The following CACNA2D4 variants were observed in gnomAD, a reference collection of about 807,000 sequenced individuals.
CACNA2D4 encodes the protein voltage-dependent calcium channel subunit alpha-2/delta-4.
In CACNA2D4, 157 loss-of-function variants were observed where a neutral mutation model predicts 163.8. The observed-to-expected ratio is 0.96, with a 90% CI of 0.84 to 1.09. CACNA2D4 has a LOEUF of 1.09. Ranked by LOEUF, CACNA2D4 falls within the 50% of genes least tolerant of loss-of-function variation. The probability of loss-of-function intolerance (pLI) is 0.00; values close to 1 mark genes in which losing one functional copy is unlikely to be tolerated. For missense variants in CACNA2D4, 1,410 were observed against 1,479.9 expected, an observed-to-expected ratio of 0.95 and a Z score of 0.78; for synonymous variants, 598 against 586.9, an observed-to-expected ratio of 1.02 and a Z score of -0.27.
intron 26 of CACNA2D4, among the ~76,000 whole-genome samples, chr12:1,817,674 C>T (rs1364021090): frequency 6.6e-6 from 1 of 152,204 alleles, no homozygotes; most frequent in Non-Finnish European, 1.5e-5. Context: ...TTGGTGGAGA[C>T]GGGGTTTCGC....
intron 6 of CACNA2D4, among the ~76,000 whole-genome samples, chr12:1,902,406 C>T (rs11513703): frequency 0.15 from 22,919 of 151,700 alleles, 1,996 homozygotes; most frequent in African/African-American, 0.24. Context: ...ACTCCAAATT[C>T]GAAAGGAATA....
chr12:1,796,693 C>A (rs899510370), intron 35 of CACNA2D4, among the ~76,000 whole-genome samples: 1 of 152,226 alleles, frequency 6.6e-6, no homozygotes, highest in Non-Finnish European at 1.5e-5. Flanking sequence ...GCCGCAGGTG[C>A]CGCACTGTTA....
At chr12:1,891,414 A>T (rs1370390669) in intron 6 of CACNA2D4, among the ~76,000 whole-genome samples, 1 of 152,234 alleles carries the variant, frequency 6.6e-6, no homozygotes, top group Non-Finnish European at 1.5e-5. Flanking sequence ...AACACCATAG[A>T]TATAGCTTTA....
rs1265172784 is a variant in CACNA2D4 at position 1,809,450 on chromosome 12, G to A, written c.2721+828C>T. 5.7e-5 allele frequency: 39 copies of A among 681,192 alleles called. 1 individual carries two copies. Among genetic ancestry groups the A allele is most frequent in the Non-Finnish European group, 9.5e-5 (36 of 377,614 alleles). The allele number at this position is 681,192 out of a possible 1,614,324, so 42.2% of individuals were successfully genotyped here. On this transcript the variant is annotated intron_variant, in intron 29 of 37. Transcript: ENST00000382722. ...AACCAAATACTATGCCCCTTTCCCC[G>A]AGGCTCAGGCAGGAGGCGGTTCTGA...
chr12:1,856,083 G>A lies in CACNA2D4; in HGVS notation c.2081C>T (p.Pro694Leu). 6.2e-7 allele frequency: 1 copy of A among 1,613,966 alleles called. No individual in the cohort carries two copies. Among genetic ancestry groups the A allele is most frequent in the Non-Finnish European group, 8.5e-7 (1 of 1,179,870 alleles). Residue 694 changes from proline (P) to leucine (L), a missense_variant, in exon 22 of 38, where the codon CCA (proline) becomes CTA (leucine). Physicochemically the swap from Pro to Leu is moderately conservative, Grantham distance 98. Coordinates refer to ENST00000382722, the MANE Select transcript of CACNA2D4 (RefSeq NM_172364.5). ...DWIYCITDID[P>L]DHRKLSQLEA... ...TAGCTGGCTGAGCTTCCGGTGGTCT[G>A]GGTCAATATCTGTGATGCAGTAGAT...
rs558417956 is a variant in CACNA2D4, at chr12:1,799,471, C to G, written c.2995+204G>C. ...GGGAGGCTGGAGTTTCTCATTTTCCCTGGGGCCTGACCGTCCTCATGTGGG... is the reference window on the plus strand; with the variant it reads ...GGGAGGCTGGAGTTTCTCATTTTCCGTGGGGCCTGACCGTCCTCATGTGGG... On this transcript the variant is annotated intron_variant, in intron 34 of 37. Transcript: ENST00000382722. The surrounding 1 kb of genome is among the most constrained non-coding windows in gnomAD (Gnocchi z 4.7). Among the ~76,000 whole-genome samples, 1 of 152,210 alleles carries G rather than the reference C, an allele frequency of 6.6e-6. No individual in the cohort carries two copies. The highest frequency in any genetic ancestry group is 6.5e-5 in the Admixed American group (1 of 15,282).
intron 20 of CACNA2D4, among the ~76,000 whole-genome samples, chr12:1,857,218 C>G: frequency 6.6e-6 from 1 of 152,212 alleles, no homozygotes; most frequent in East Asian, 1.9e-4. Context: ...GGTGAGCACA[C>G]AGCTAGTGCC....
rs139333711 is a variant in CACNA2D4, at chr12:1,884,234, G to A, written c.1351+9C>T. ...CAGGTGGGAAGGTACCTGCTGGCCC[G>A]GCACTCACCTTTGTTGTTGCATGCA... On this transcript the variant is annotated intron_variant, in intron 12 of 37. Coordinates refer to ENST00000382722, the MANE Select transcript of CACNA2D4 (RefSeq NM_172364.5). 1,150 of 1,609,888 alleles carry A rather than the reference G, an allele frequency of 7.1e-4. 3 individuals are homozygous for A. The highest frequency in any genetic ancestry group is 8.4e-4 in the Non-Finnish European group (993 of 1,178,194).
At chr12:1,830,910 T>C (rs1864593003) in intron 26 of CACNA2D4, 9 of 1,566,536 alleles carry the variant, frequency 5.7e-6, no homozygotes, top group Non-Finnish European at 7.0e-6. Context: ...TTGCTTTCTT[T>C]CCCCCGTCTG....
chr12:1,864,836 G>T (rs1865608292), intron 18 of CACNA2D4, among the ~76,000 whole-genome samples: 1 of 152,266 alleles, frequency 6.6e-6, no homozygotes, highest in African/African-American at 2.4e-5. Flanking sequence ...ATGCTCGCAG[G>T]GAGTCGTTGG....
At chr12:1,827,161 G>C (rs1012349810) in intron 26 of CACNA2D4, among the ~76,000 whole-genome samples, 27 of 149,730 alleles carry the variant, frequency 1.8e-4, no homozygotes, top group Admixed American at 3.3e-4. Context: ...AGCTGCAGCA[G>C]GTAAACACAT....
intron 29 of CACNA2D4, among the ~76,000 whole-genome samples, chr12:1,803,271 C>CA (rs1863400008): frequency 6.6e-6 from 1 of 152,210 alleles, no homozygotes; most frequent in East Asian, 1.9e-4. Flanking sequence ...AGGCAGAACG[C>CA]ACAACTCCTG....
chr12:1,798,963 A>C lies in CACNA2D4; in HGVS notation c.2995+712T>G, dbSNP rs1161682207. On this transcript the variant is annotated intron_variant, in intron 34 of 37. Transcript: ENST00000382722. This position sits in a 1 kb window ranked among gnomAD's most constrained non-coding sequence, Gnocchi z 4.3. ...AGCCAAGGCCAGCAGAAGAGAACGA[A>C]GAGCAAGCCAGAGAGAGGACCACAG... Among the ~76,000 whole-genome samples the C allele has an allele frequency of 2.0e-5, 3 of 152,156 alleles. No homozygotes were observed. The highest frequency in any genetic ancestry group is 2.9e-5 in the Non-Finnish European group (2 of 68,024).
At position 1,815,386 on chromosome 12, in the gene CACNA2D4, G is replaced by T. The variant is rs536828970; in HGVS notation, c.2552-3663C>A. Among the ~76,000 whole-genome samples the T allele has an allele frequency of 4.0e-5, 6 of 150,748 alleles. 1 individual carries two copies. Among genetic ancestry groups the T allele is most frequent in the African/African-American group, 1.5e-4 (6 of 40,154 alleles). On this transcript the variant is annotated intron_variant, in intron 26 of 37. Coordinates refer to ENST00000382722, the MANE Select transcript of CACNA2D4 (RefSeq NM_172364.5). ...TTTACATGGCTGGCTCCTTCCCATCGTCAGGTCTCAGCCCAATATCATCTC... is the reference window on the plus strand; with the variant it reads ...TTTACATGGCTGGCTCCTTCCCATCTTCAGGTCTCAGCCCAATATCATCTC...
At chr12:1,845,585 C>T (rs377673553) in intron 24 of CACNA2D4, among the ~76,000 whole-genome samples, 2 of 152,044 alleles carry the variant, frequency 1.3e-5, no homozygotes, top group Non-Finnish European at 2.9e-5. Flanking sequence ...AGGGTCAGGT[C>T]GGCTCAGGGG....
At chr12:1,870,622 T>C (rs1865749616) in intron 18 of CACNA2D4, among the ~76,000 whole-genome samples, 1 of 152,018 alleles carries the variant, frequency 6.6e-6, no homozygotes, top group South Asian at 2.1e-4. Flanking sequence ...TTTCCGTTTT[T>C]GTTTTTTGTA....
rs535141948 is a variant in CACNA2D4 at position 1,886,044 on chromosome 12, A to C, written c.994-5T>G. 1 of 1,610,588 alleles carries C rather than the reference A, an allele frequency of 6.2e-7. No homozygotes were observed. Among genetic ancestry groups the C allele is most frequent in the Non-Finnish European group, 8.5e-7 (1 of 1,176,928 alleles). ...GTAATGGACGTAGTCATTGTACTGC[A>C]GTTGCAGTGAGTTGAGGGGAGGTGG... On this transcript the variant is annotated splice_region_variant and splice_polypyrimidine_tract_variant and intron_variant, in intron 8 of 37. Coordinates refer to ENST00000382722, the MANE Select transcript of CACNA2D4 (RefSeq NM_172364.5).
intron 29 of CACNA2D4, among the ~76,000 whole-genome samples, 168 bp from the exon 30 acceptor site, chr12:1,801,812 C>A (rs540099501): frequency 9.6e-4 from 146 of 152,250 alleles, no homozygotes; most frequent in African/African-American, 3.4e-3. Context: ...CCACCCACGC[C>A]CCTGTCCGGT....
Position 1,820,029 on chromosome 12 carries a change from C to T in CACNA2D4, c.2552-8306G>A, listed in dbSNP as rs559044245. Among the ~76,000 whole-genome samples, 4 of 152,312 alleles carry T rather than the reference C, an allele frequency of 2.6e-5. No homozygotes were observed. Among genetic ancestry groups the T allele is most frequent in the East Asian group, 3.9e-4 (2 of 5,178 alleles). Reference sequence around the variant, plus strand: ...TCTGGCACATGGACATGCCTGTGTACCCTTCTTTCGTATGACCGAGAGAAG... The same window carrying T: ...TCTGGCACATGGACATGCCTGTGTATCCTTCTTTCGTATGACCGAGAGAAG... On this transcript the variant is annotated intron_variant, in intron 26 of 37. Transcript: ENST00000382722. This position sits in a 1 kb window ranked among gnomAD's most constrained non-coding sequence, Gnocchi z 6.0.
Sources: allele counts gnomAD v4.1 joint callset (sites outside exome capture counted in the v4.1 genomes callset), GRCh38; gene constraint gnomAD v4.1.1; non-coding constraint Gnocchi (gnomAD v3.1); transcripts MANE v1.5; gene names NCBI Gene and HGNC (gene_info 2026-07-23, HGNC 2026-07-21).